PLA2G4C: variants seen among roughly 807,000 people sequenced by gnomAD.
The protein encoded by PLA2G4C is cytosolic phospholipase A2 gamma.
PLA2G4C carries 64 observed loss-of-function variants against 73.8 expected under a neutral mutation model. That is an observed-to-expected ratio of 0.87 (90% CI 0.71 to 1.07). The LOEUF is 1.07. Among genes scored for constraint, PLA2G4C ranks in the 50% least tolerant of loss-of-function variants. PLA2G4C has a pLI of 0.00. For synonymous variants in PLA2G4C, 254 were observed against 252.1 expected (o/e 1.01, Z -0.07); for missense variants, 622 against 665.4 (o/e 0.93, Z 0.72).
chr19:48,050,564 C>T (rs1357062374), intron 16 of PLA2G4C, among the ~76,000 whole-genome samples: 1 of 152,002 alleles, frequency 6.6e-6, no homozygotes, highest in Non-Finnish European at 1.5e-5. Context: ...AATATTCCAA[C>T]TCTTCCCCTG....
At chr19:48,056,164 A>G (rs915165855) in intron 14 of PLA2G4C, among the ~76,000 whole-genome samples, 1 of 152,080 alleles carries the variant, frequency 6.6e-6, no homozygotes, top group African/African-American at 2.4e-5. Context: ...AGGTTACTAA[A>G]CTTACATAAA....
chr19:48,075,799 G>A (rs2030111303), intron 11 of PLA2G4C, among the ~76,000 whole-genome samples: 1 of 151,816 alleles, frequency 6.6e-6, no homozygotes, highest in African/African-American at 2.4e-5. Context: ...TGTTGTTGTT[G>A]TTGAGACAGG....
intron 10 of PLA2G4C, among the ~76,000 whole-genome samples, chr19:48,079,298 G>C (rs1446978618): frequency 6.6e-6 from 1 of 152,114 alleles, no homozygotes; most frequent in Non-Finnish European, 1.5e-5. Context: ...TACCAAAACA[G>C]CACGGTACTG....
At chr19:48,051,481 C>T (rs957611174) in intron 16 of PLA2G4C, among the ~76,000 whole-genome samples, 3 of 152,222 alleles carry the variant, frequency 2.0e-5, no homozygotes, top group African/African-American at 4.8e-5. Context: ...GTTGCAAAAC[C>T]GCAATTACTT....
At chr19:48,093,530 G>A (rs2031416765) in intron 7 of PLA2G4C, among the ~76,000 whole-genome samples, 1 of 152,072 alleles carries the variant, frequency 6.6e-6, no homozygotes, top group Non-Finnish European at 1.5e-5. Flanking sequence ...TAATTAAACT[G>A]CCTCCCTGGC....
At position 48,074,776 on chromosome 19, in the gene PLA2G4C, C is replaced by T. The variant is rs376850000; in HGVS notation, c.997G>A (p.Glu333Lys). The change falls in exon 12 of 17, where the codon GAA becomes AAA. Residue 333 changes from glutamate to lysine, a missense_variant. Coordinates refer to ENST00000599921, the MANE Select transcript of PLA2G4C (RefSeq NM_003706.3). ...ACACTACACATGGTACCTTTCCTTT[C>T]GGGGTCCTCATGGGGCTGCTCCTGC... is the stretch of plus-strand genomic sequence containing the variant. Reference protein sequence around the residue: ...EKQEQPHEDPERKGSLSNLMD... With the variant: ...EKQEQPHEDPKRKGSLSNLMD... The T allele has an allele frequency of 7.5e-6, 12 of 1,609,700 alleles. No individual in the cohort carries two copies. Among genetic ancestry groups the T allele is most frequent in the East Asian group, 6.7e-5 (3 of 44,844 alleles).
chr19:48,110,352 AAAT>A, intron 1 of PLA2G4C, 132 bp downstream of exon 1: 10 of 564,006 alleles, frequency 1.8e-5, no homozygotes, highest in East Asian at 7.3e-5. Context: ...TCTCAAAAAA[AAAT>A]AAATAAATAA....
intron 8 of PLA2G4C, 45 bp from the exon 9 acceptor site, chr19:48,088,757 A>G (rs2031127678): frequency 7.1e-7 from 1 of 1,406,098 alleles, no homozygotes; most frequent in Non-Finnish European, 1.0e-6. Context: ...TGTACAACAA[A>G]GTCCCTAGTT....
Position 48,095,391 on chromosome 19 carries a change from C to A in PLA2G4C, c.709+73G>T, listed in dbSNP as rs988826390. ...AAATTTAAGAGCTGGGCAAACTAGA[C>A]CCTCAGAAGGAAAATTCTTGCCTCT... On this transcript the variant is annotated intron_variant, in intron 7 of 16. Coordinates refer to ENST00000599921, the MANE Select transcript of PLA2G4C (RefSeq NM_003706.3). The A allele has an allele frequency of 6.0e-5, 86 of 1,435,882 alleles. No individual in the cohort carries two copies. In the African/African-American group the frequency reaches 1.1e-3, roughly 18 times the overall value. 88.9% of individuals were successfully genotyped at this position (1,435,882 alleles called of 1,614,324 possible).
intron 1 of PLA2G4C, among the ~76,000 whole-genome samples, chr19:48,109,663 T>A (rs982982000): frequency 5.9e-5 from 9 of 152,158 alleles, no homozygotes; most frequent in Middle Eastern, 3.4e-3. Context: ...ATTTTATTTT[T>A]TTTTGAGATG....
intron 16 of PLA2G4C, among the ~76,000 whole-genome samples, chr19:48,049,003 C>G (rs1967624263): frequency 6.6e-6 from 1 of 152,046 alleles, no homozygotes; most frequent in Non-Finnish European, 1.5e-5. Flanking sequence ...GCTTTCCTCC[C>G]TTCTCTCTCT....
At chr19:48,096,699 C>T (rs2031587198) in intron 6 of PLA2G4C, 1 of 152,200 alleles carries the variant, frequency 6.6e-6, no homozygotes, top group Non-Finnish European at 1.5e-5. Context: ...GAGAACTTAC[C>T]AGGACACAGT....
Position 48,082,029 on chromosome 19 carries a change from C to T in PLA2G4C, c.844+3030G>A, listed in dbSNP as rs186464894. 1.8e-3 allele frequency among the ~76,000 whole-genome samples: 265 copies of T among 147,564 alleles called. 1 individual carries two copies. The highest frequency in any genetic ancestry group is 6.1e-3 in the African/African-American group (246 of 40,044). On this transcript the variant is annotated intron_variant, in intron 10 of 16. Coordinates refer to ENST00000599921, the MANE Select transcript of PLA2G4C (RefSeq NM_003706.3). ...CCAGGATACAGAGGTTGCAGTGAGA[C>T]GAGATCTTGCTACTGCACTCCAGCC...
intron 13 of PLA2G4C, among the ~76,000 whole-genome samples, chr19:48,064,195 A>G (rs1968317561): frequency 6.6e-6 from 1 of 152,242 alleles, no homozygotes; most frequent in African/African-American, 2.4e-5. Context: ...TTGGGAGGCC[A>G]AGGTGGGTGG....
Position 48,090,906 on chromosome 19 carries a change from G to A in PLA2G4C, c.710-489C>T, listed in dbSNP as rs549199052. Among the ~76,000 whole-genome samples, 12 of 152,170 alleles carry A rather than the reference G, an allele frequency of 7.9e-5. No homozygotes were observed. The South Asian group carries it at 2.1e-3, about 26-fold the overall frequency. ...TCTAGTCTCAGCTACTTGGGAGGCT[G>A]AGGCAGGAAGATCACTTGAGGCCAG... is the stretch of plus-strand genomic sequence containing the variant. On this transcript the variant is annotated intron_variant, in intron 7 of 16. Coordinates refer to ENST00000599921, the MANE Select transcript of PLA2G4C (RefSeq NM_003706.3).
At chr19:48,087,624 C>T (rs2031054887) in intron 9 of PLA2G4C, among the ~76,000 whole-genome samples, 1 of 152,110 alleles carries the variant, frequency 6.6e-6, no homozygotes, top group South Asian at 2.1e-4. Context: ...GTGGCTCCAA[C>T]CCTTCTGCCT....
chr19:48,089,190 G>A (rs2031154149), intron 8 of PLA2G4C, among the ~76,000 whole-genome samples: 1 of 152,186 alleles, frequency 6.6e-6, no homozygotes, highest in Non-Finnish European at 1.5e-5. Flanking sequence ...CACACTGGGA[G>A]GCTGAGGCAG....
intron 7 of PLA2G4C, among the ~76,000 whole-genome samples, chr19:48,093,796 G>C (rs981918182): frequency 1.3e-5 from 2 of 152,194 alleles, no homozygotes; most frequent in Admixed American, 1.3e-4. Flanking sequence ...CCTGGTGGGA[G>C]GTAATCAGAT....
At chr19:48,102,017 C>T (rs2031947855) in intron 4 of PLA2G4C, among the ~76,000 whole-genome samples, 1 of 151,956 alleles carries the variant, frequency 6.6e-6, no homozygotes. Flanking sequence ...ACTTGGAATG[C>T]GCTCAGTATA....
Sources: allele counts gnomAD v4.1 joint callset (sites outside exome capture counted in the v4.1 genomes callset), GRCh38; gene constraint gnomAD v4.1.1; transcripts MANE v1.5; gene names NCBI Gene and HGNC (gene_info 2026-07-23, HGNC 2026-07-21).